The following CNTNAP2 variants were observed in gnomAD, a reference collection of about 807,000 sequenced individuals.
The protein encoded by CNTNAP2 is contactin-associated protein-like 2.
In CNTNAP2, 98 loss-of-function variants were observed where a neutral mutation model predicts 155.2. The observed-to-expected ratio is 0.63, with a 90% CI of 0.54 to 0.75. The LOEUF (loss-of-function observed/expected upper bound fraction) is 0.75, where lower values mean the gene tolerates loss of function less well. CNTNAP2 is among the 30% of genes least tolerant of loss of function. The pLI is 0.00. For missense variants in CNTNAP2, 1,727 were observed against 1,688.1 expected, an observed-to-expected ratio of 1.02 and a Z score of -0.40; for synonymous variants, 651 against 631.2, an observed-to-expected ratio of 1.03 and a Z score of -0.47.
At chr7:146,450,911 G>C (rs1000371448) in intron 1 of CNTNAP2, among the ~76,000 whole-genome samples, 1 of 149,990 alleles carries the variant, frequency 6.7e-6, no homozygotes, top group Non-Finnish European at 1.5e-5. Flanking sequence ...TGTAAATAGA[G>C]ATGCTGTTAT....
intron 1 of CNTNAP2, among the ~76,000 whole-genome samples, chr7:146,399,301 T>C (rs145489739): frequency 1.2e-3 from 186 of 152,320 alleles, no homozygotes; most frequent in Non-Finnish European, 1.6e-3. Flanking sequence ...ATTTTGTATC[T>C]GTTGAGTAAC....
chr7:148,156,749 T>G (rs893962334), intron 17 of CNTNAP2, among the ~76,000 whole-genome samples: 1 of 152,180 alleles, frequency 6.6e-6, no homozygotes, highest in Admixed American at 6.5e-5. Context: ...CCTGGAAATT[T>G]GTTCCTCCAA....
chr7:147,501,487 C>A (rs1238535146), intron 11 of CNTNAP2, among the ~76,000 whole-genome samples: 2 of 152,160 alleles, frequency 1.3e-5, no homozygotes, highest in African/African-American at 4.8e-5. Context: ...ATGTCCCTGA[C>A]TTCAGGTGGT....
At chr7:146,421,204 T>C (rs1446003355) in intron 1 of CNTNAP2, among the ~76,000 whole-genome samples, 7 of 152,056 alleles carry the variant, frequency 4.6e-5, no homozygotes, top group Non-Finnish European at 5.9e-5. Flanking sequence ...TATTTTGAAA[T>C]TGACCATATT....
At chr7:147,047,275 ATTTTTTTTTT>A (rs35453952) in intron 4 of CNTNAP2, among the ~76,000 whole-genome samples, 1 of 111,398 alleles carries the variant, frequency 9.0e-6, no homozygotes, top group African/African-American at 3.7e-5. Flanking sequence ...CGCCCGGCTA[ATTTTTTTTTT>A]TTTTTTTTTG....
intron 3 of CNTNAP2, among the ~76,000 whole-genome samples, chr7:146,868,011 G>T (rs527901460): frequency 6.6e-6 from 1 of 152,010 alleles, no homozygotes; most frequent in South Asian, 2.1e-4. Flanking sequence ...CTGCAGAAAC[G>T]CTCTTAAGTT....
At chr7:147,710,546 A>G (rs1584913334) in intron 13 of CNTNAP2, among the ~76,000 whole-genome samples, 1 of 152,158 alleles carries the variant, frequency 6.6e-6, no homozygotes, top group Admixed American at 6.5e-5. Flanking sequence ...GTGATCTCCT[A>G]ATTTGACTCT....
chr7:147,178,516 C>T (rs921151658), intron 8 of CNTNAP2, among the ~76,000 whole-genome samples: 2 of 152,148 alleles, frequency 1.3e-5, no homozygotes, highest in East Asian at 3.9e-4. Flanking sequence ...TTGTTTTAAG[C>T]CACTAATTTT....
intron 3 of CNTNAP2, among the ~76,000 whole-genome samples, chr7:146,840,491 A>T (rs954316752): frequency 6.6e-6 from 1 of 152,182 alleles, no homozygotes; most frequent in African/African-American, 2.4e-5. Context: ...ATTTGAATAA[A>T]TTATTTAACA....
intron 12 of CNTNAP2, among the ~76,000 whole-genome samples, chr7:147,604,356 A>T (rs571843941): frequency 3.9e-5 from 6 of 152,120 alleles, no homozygotes; most frequent in Admixed American, 3.3e-4. Context: ...GAATCTACAA[A>T]GAACTCAAAC....
intron 13 of CNTNAP2, among the ~76,000 whole-genome samples, chr7:147,639,993 C>T (rs987317421): frequency 6.6e-6 from 1 of 152,130 alleles, no homozygotes; most frequent in Non-Finnish European, 1.5e-5. Flanking sequence ...AAAACTGCAT[C>T]TCTGTGTCTG....
intron 11 of CNTNAP2, among the ~76,000 whole-genome samples, chr7:147,546,618 G>A (rs1799739124): frequency 6.6e-6 from 1 of 152,180 alleles, no homozygotes; most frequent in African/African-American, 2.4e-5. Context: ...CTTTATTACA[G>A]TTAAATACTC....
intron 9 of CNTNAP2, among the ~76,000 whole-genome samples, chr7:147,358,763 T>C (rs2116891741): frequency 6.6e-6 from 1 of 152,256 alleles, no homozygotes; most frequent in Admixed American, 6.5e-5. Flanking sequence ...ATAATAATGT[T>C]GCCATTCCTC....
chr7:146,535,669 A>G (rs1227292086), intron 1 of CNTNAP2, among the ~76,000 whole-genome samples: 3 of 151,596 alleles, frequency 2.0e-5, no homozygotes, highest in Non-Finnish European at 4.4e-5. Context: ...TTACAAGAGT[A>G]TATCGTGTGA....
chr7:146,353,429 T>G (rs532747962), intron 1 of CNTNAP2, among the ~76,000 whole-genome samples: 2 of 152,324 alleles, frequency 1.3e-5, no homozygotes, highest in African/African-American at 4.8e-5. Context: ...GCCATTCTTC[T>G]CAGTGCTTGG....
At chr7:147,316,951 C>T (rs1795244367) in intron 9 of CNTNAP2, among the ~76,000 whole-genome samples, 1 of 152,182 alleles carries the variant, frequency 6.6e-6, no homozygotes, top group Non-Finnish European at 1.5e-5. Flanking sequence ...ATTGCATTCT[C>T]CTAGACCTGT....
At chr7:147,008,906 T>C (rs1228578119) in intron 3 of CNTNAP2, among the ~76,000 whole-genome samples, 1 of 151,796 alleles carries the variant, frequency 6.6e-6, no homozygotes, top group Non-Finnish European at 1.5e-5. Flanking sequence ...CAAAGAGAAG[T>C]TGTTTTGTGT....
intron 21 of CNTNAP2, among the ~76,000 whole-genome samples, chr7:148,338,704 C>T (rs1375636706): frequency 2.6e-5 from 4 of 152,082 alleles, no homozygotes; most frequent in Admixed American, 2.6e-4. Flanking sequence ...TGAGAAGCAA[C>T]ATAAAGATAA....
At chr7:146,965,236 G>A (rs1797634066) in intron 3 of CNTNAP2, among the ~76,000 whole-genome samples, 1 of 152,096 alleles carries the variant, frequency 6.6e-6, no homozygotes, top group African/African-American at 2.4e-5. Flanking sequence ...AGACTGCCCT[G>A]TAGAGAAGAG....
Sources: allele counts gnomAD v4.1 joint callset (sites outside exome capture counted in the v4.1 genomes callset), GRCh38; gene constraint gnomAD v4.1.1; transcripts MANE v1.5; gene names NCBI Gene and HGNC (gene_info 2026-07-23, HGNC 2026-07-21).